Variants in POU6F2 observed in about 807,000 individuals in gnomAD.
The protein encoded by POU6F2 is POU class 6 homeobox 2.
POU6F2 carries 31 observed loss-of-function variants against 71.3 expected under a neutral mutation model. The observed-to-expected ratio is 0.43, with a 90% CI of 0.33 to 0.59. The LOEUF (loss-of-function observed/expected upper bound fraction) is 0.59. POU6F2 is among the 20% of genes least tolerant of loss of function. The probability of loss-of-function intolerance (pLI) is 0.04; values close to 1 mark genes in which losing one functional copy is unlikely to be tolerated. For missense variants in POU6F2, 783 were observed against 856.8 expected, an observed-to-expected ratio of 0.91 and a Z score of 1.07; for synonymous variants, 347 against 355.7, an observed-to-expected ratio of 0.98 and a Z score of 0.27.
intron 5 of POU6F2, among the ~76,000 whole-genome samples, chr7:39,353,003 A>G (rs1180782681): frequency 6.6e-6 from 1 of 152,200 alleles, no homozygotes; most frequent in Non-Finnish European, 1.5e-5. Context: ...GAGAACATGG[A>G]ATATAAAAAC....
At chr7:39,406,874 C>A in intron 6 of POU6F2, 134 bp downstream of exon 6, 2 of 1,249,222 alleles carry the variant, frequency 1.6e-6, no homozygotes, top group East Asian at 2.4e-5. Flanking sequence ...CTAGCAATGT[C>A]AAGAATAGGA....
At chr7:39,048,724 T>C (rs1310220769) in intron 1 of POU6F2, among the ~76,000 whole-genome samples, 3 of 152,024 alleles carry the variant, frequency 2.0e-5, no homozygotes, top group Non-Finnish European at 4.4e-5. Context: ...CTGGGTTTCA[T>C]GGTAGTTCTA....
chr7:39,292,408 G>C (rs1166287179), intron 4 of POU6F2, among the ~76,000 whole-genome samples: 5 of 152,190 alleles, frequency 3.3e-5, no homozygotes, highest in Non-Finnish European at 7.3e-5. Flanking sequence ...CCACTGAGCT[G>C]TTTTCATTAT....
At chr7:39,244,063 G>T (rs906547737) in intron 4 of POU6F2, among the ~76,000 whole-genome samples, 2 of 152,110 alleles carry the variant, frequency 1.3e-5, no homozygotes, top group African/African-American at 4.8e-5. Context: ...TTAGAGACAG[G>T]TTCTCTCAAG....
intron 1 of POU6F2, chr7:39,085,212 A>T (rs1035122337): frequency 6.6e-6 from 1 of 152,158 alleles, no homozygotes; most frequent in Non-Finnish European, 1.5e-5. Context: ...TAAAATGTTC[A>T]TTTGATTTGG....
At chr7:39,454,914 G>T (rs549964057) in intron 8 of POU6F2, among the ~76,000 whole-genome samples, 1 of 151,366 alleles carries the variant, frequency 6.6e-6, no homozygotes, top group South Asian at 2.1e-4. Flanking sequence ...GCAAGAGAAT[G>T]CTGGGTTAAT....
chr7:39,072,845 C>T (rs1383436970), intron 1 of POU6F2, among the ~76,000 whole-genome samples: 5 of 152,192 alleles, frequency 3.3e-5, no homozygotes. Flanking sequence ...ATGATGAGGT[C>T]AAGACAGTGC....
At chr7:39,049,433 G>A (rs1790361345) in intron 1 of POU6F2, among the ~76,000 whole-genome samples, 1 of 151,964 alleles carries the variant, frequency 6.6e-6, no homozygotes, top group Non-Finnish European at 1.5e-5. Flanking sequence ...GGTGTTAGAA[G>A]TGTGTTGTTT....
At chr7:39,238,406 G>A (rs912410201) in intron 4 of POU6F2, among the ~76,000 whole-genome samples, 7 of 152,080 alleles carry the variant, frequency 4.6e-5, no homozygotes, top group Non-Finnish European at 7.4e-5. Context: ...TCAGTCTGCC[G>A]GCGGAATCTC....
intron 7 of POU6F2, among the ~76,000 whole-genome samples, chr7:39,446,334 A>G (rs1458134155): frequency 6.6e-6 from 1 of 152,220 alleles, no homozygotes; most frequent in Non-Finnish European, 1.5e-5. Context: ...TTTCCTCCCC[A>G]AGTGAGTTTC....
chr7:39,252,091 C>G (rs1783932313), intron 4 of POU6F2, among the ~76,000 whole-genome samples: 1 of 152,074 alleles, frequency 6.6e-6, no homozygotes, highest in East Asian at 1.9e-4. Context: ...GTGTGGCTAT[C>G]CCTGTTGTTT....
intron 1 of POU6F2, among the ~76,000 whole-genome samples, chr7:39,041,571 A>G (rs1790194043): frequency 6.6e-6 from 1 of 151,840 alleles, no homozygotes; most frequent in South Asian, 2.1e-4. Context: ...CCACTTTTTT[A>G]TGTTTATTGG....
intron 4 of POU6F2, among the ~76,000 whole-genome samples, chr7:39,266,013 A>G (rs1316169557): frequency 6.6e-6 from 1 of 152,234 alleles, no homozygotes; most frequent in African/African-American, 2.4e-5. Context: ...AATAATGGGA[A>G]GAGAAAGGCT....
intron 4 of POU6F2, among the ~76,000 whole-genome samples, chr7:39,337,801 A>G (rs535807563): frequency 7.2e-5 from 11 of 152,236 alleles, no homozygotes; most frequent in South Asian, 6.2e-4. Flanking sequence ...AAATTAGTCT[A>G]TGTAACTCAA....
rs376180746 is a variant in POU6F2 at position 39,109,450 on chromosome 7, T to G, written c.277+23419T>G. 6.2e-4 allele frequency among the ~76,000 whole-genome samples: 95 copies of G among 152,342 alleles called. 2 individuals are homozygous for G. In the South Asian group the frequency reaches 0.02, roughly 32 times the overall value. On this transcript the variant is annotated intron_variant, in intron 2 of 9. Coordinates refer to ENST00000518318, the MANE Select transcript of POU6F2 (RefSeq NM_001370959.1). ...TGGGTATTAATCCAAGACACTGATGTCTCACCTGAGTTGGTCTTTGGAAAG... is the reference window on the plus strand; with the variant it reads ...TGGGTATTAATCCAAGACACTGATGGCTCACCTGAGTTGGTCTTTGGAAAG...
intron 4 of POU6F2, among the ~76,000 whole-genome samples, chr7:39,239,031 A>G (rs993610397): frequency 6.6e-6 from 1 of 152,210 alleles, no homozygotes. Flanking sequence ...GAAGCATTCT[A>G]TACCTCCATT....
intron 4 of POU6F2, among the ~76,000 whole-genome samples, chr7:39,266,245 T>G (rs1474933251): frequency 2.0e-5 from 3 of 152,176 alleles, no homozygotes; most frequent in Non-Finnish European, 4.4e-5. Context: ...AAAGATAACT[T>G]TATTGGAGGC....
At chr7:39,199,476 A>G (rs760864739) in intron 2 of POU6F2, among the ~76,000 whole-genome samples, 2 of 133,528 alleles carry the variant, frequency 1.5e-5, no homozygotes, top group Non-Finnish European at 3.1e-5. Context: ...GTGAATGAAA[A>G]TCTGTTGTAC....
intron 6 of POU6F2, among the ~76,000 whole-genome samples, chr7:39,415,850 C>G (rs1787661337): frequency 6.6e-6 from 1 of 152,162 alleles, no homozygotes; most frequent in African/African-American, 2.4e-5. Context: ...AGCAAATTCT[C>G]AAGACATCAA....
Sources: gnomAD v4.1 joint callset for allele counts (sites outside exome capture counted in the v4.1 genomes callset) on GRCh38, gnomAD v4.1.1 for gene constraint, MANE v1.5 for transcripts, NCBI Gene and HGNC (gene_info 2026-07-23, HGNC 2026-07-21) for gene names.